The following ELP4 variants were observed in gnomAD, a reference collection of about 807,000 sequenced individuals.
The protein encoded by ELP4 is elongator acetyltransferase complex subunit 4.
Under a neutral mutation model 48.9 loss-of-function variants are expected in ELP4, and 51 were observed. That is an observed-to-expected ratio of 1.04 (90% CI 0.83 to 1.32). The LOEUF (loss-of-function observed/expected upper bound fraction) is 1.32, where lower values mean the gene tolerates loss of function less well. ELP4 is among the 40% of genes most tolerant of loss of function. The probability of loss-of-function intolerance (pLI) is 0.00; values close to 1 mark genes in which losing one functional copy is unlikely to be tolerated. For synonymous variants in ELP4, 210 were observed against 189.2 expected (o/e 1.11, Z -0.90); for missense variants, 519 against 514.6 (o/e 1.01, Z -0.08).
chr11:31,584,422 TG>T (rs367791448), intron 3 of ELP4, among the ~76,000 whole-genome samples: 131 of 152,212 alleles, frequency 8.6e-4, no homozygotes, highest in Non-Finnish European at 9.9e-4. Context: ...ATGATTTTAT[TG>T]TGATTTATTT....
intron 9 of ELP4, among the ~76,000 whole-genome samples, chr11:31,782,499 T>C (rs1948399970): frequency 6.6e-6 from 1 of 152,240 alleles, no homozygotes; most frequent in Admixed American, 6.5e-5. Flanking sequence ...GTTTGGATTT[T>C]TATGAAATAA....
chr11:31,622,378 CTTAA>C (rs1299462579), intron 5 of ELP4, among the ~76,000 whole-genome samples: 1 of 150,590 alleles, frequency 6.6e-6, no homozygotes, highest in Non-Finnish European at 1.5e-5. Context: ...TTTCTTTTTT[CTTAA>C]TTATTAAAAG....
intron 5 of ELP4, among the ~76,000 whole-genome samples, chr11:31,605,875 C>T (rs1957865625): frequency 6.6e-6 from 1 of 151,914 alleles, no homozygotes; most frequent in Admixed American, 6.6e-5. Flanking sequence ...AACTCTCCTA[C>T]TGTTGCAGGC....
At chr11:31,687,720 A>G (rs1202665730) in intron 9 of ELP4, 2 of 152,168 alleles carry the variant, frequency 1.3e-5, no homozygotes, top group Admixed American at 6.5e-5. Context: ...CAGAATAGAT[A>G]ATTTTTCAAT....
Position 31,510,011 on chromosome 11 carries a change from G to A in ELP4, c.223+4G>A. ...CCAGCCCTAGACCAGCTCTTAGGTCGGTTCAGAGCGGAGATCTGGGCTCAG... is the reference window on the plus strand; with the variant it reads ...CCAGCCCTAGACCAGCTCTTAGGTCAGTTCAGAGCGGAGATCTGGGCTCAG... On this transcript the variant is annotated splice_donor_region_variant and intron_variant, in intron 1 of 9. Coordinates refer to ENST00000640961, the MANE Select transcript of ELP4 (RefSeq NM_019040.5). 3 of 1,607,150 alleles carry A rather than the reference G, an allele frequency of 1.9e-6. No individual in the cohort carries two copies. Among genetic ancestry groups the A allele is most frequent in the Non-Finnish European group, 2.5e-6 (3 of 1,176,722 alleles).
intron 3 of ELP4, among the ~76,000 whole-genome samples, 192 bp downstream of exon 3, chr11:31,539,975 GT>G (rs1956566987): frequency 1.3e-5 from 2 of 152,072 alleles, no homozygotes; most frequent in African/African-American, 4.8e-5. Flanking sequence ...TTAAACTAAT[GT>G]TTTTGAACAA....
intron 9 of ELP4, among the ~76,000 whole-genome samples, chr11:31,687,286 T>G (rs1946180797): frequency 6.6e-6 from 1 of 152,170 alleles, no homozygotes; most frequent in Non-Finnish European, 1.5e-5. Flanking sequence ...ATATAGCTGG[T>G]AGTTGAAGAC....
At chr11:31,533,680 G>T (rs1368015600) in intron 2 of ELP4, among the ~76,000 whole-genome samples, 1 of 151,186 alleles carries the variant, frequency 6.6e-6, no homozygotes, top group African/African-American at 2.4e-5. Flanking sequence ...GAGCCACCGC[G>T]CCCGGCCTGA....
intron 8 of ELP4, chr11:31,649,206 C>G (rs555936227): frequency 6.6e-6 from 1 of 151,748 alleles, no homozygotes; most frequent in African/African-American, 2.4e-5. Context: ...AACACACATA[C>G]AAAACCTTGT....
chr11:31,583,501 C>G (rs562794328), intron 3 of ELP4, among the ~76,000 whole-genome samples: 7 of 152,214 alleles, frequency 4.6e-5, no homozygotes, highest in African/African-American at 1.7e-4. Flanking sequence ...ACTCAGGAGA[C>G]TGAGGCAAGA....
rs188931187 is a variant in ELP4 at position 31,524,306 on chromosome 11, A to T, written c.259+4215A>T. On this transcript the variant is annotated intron_variant, in intron 2 of 9. Transcript: ENST00000640961. ...GGCTGAGTTCTCATCTGAAGGCTTG[A>T]CAAGGGAACTATCTGCTTTCAAGCT... is the stretch of plus-strand genomic sequence containing the variant. Among the ~76,000 whole-genome samples the T allele has an allele frequency of 3.1e-3, 470 of 152,342 alleles. 4 individuals carry two copies. The highest frequency in any genetic ancestry group is 0.011 in the African/African-American group (452 of 41,582).
At chr11:31,645,490 T>C (rs1945180953) in intron 7 of ELP4, among the ~76,000 whole-genome samples, 1 of 151,828 alleles carries the variant, frequency 6.6e-6, no homozygotes, top group Non-Finnish European at 1.5e-5. Flanking sequence ...AATGGAAATT[T>C]ATCTCATCTT....
intron 5 of ELP4, among the ~76,000 whole-genome samples, chr11:31,607,244 G>T (rs1039261084): frequency 6.6e-5 from 10 of 152,150 alleles, no homozygotes; most frequent in African/African-American, 2.4e-4. Flanking sequence ...ATGGTATTTT[G>T]TTATGGCATC....
chr11:31,723,834 C>A (rs535469606), intron 9 of ELP4, among the ~76,000 whole-genome samples: 1 of 152,184 alleles, frequency 6.6e-6, no homozygotes, highest in African/African-American at 2.4e-5. Context: ...GTACAGTGTT[C>A]GAGGCTTTGT....
intron 9 of ELP4, among the ~76,000 whole-genome samples, chr11:31,777,344 C>G (rs993778117): frequency 6.6e-6 from 1 of 152,120 alleles, no homozygotes; most frequent in Non-Finnish European, 1.5e-5. Context: ...ATCCATAGAG[C>G]AGGGGAGACT....
intron 6 of ELP4, among the ~76,000 whole-genome samples, chr11:31,631,950 T>C (rs976804943): frequency 2.0e-5 from 3 of 152,076 alleles, no homozygotes; most frequent in Admixed American, 6.6e-5. Context: ...ATTCTTAGAG[T>C]TGTTGCTGTT....
intron 3 of ELP4, among the ~76,000 whole-genome samples, chr11:31,554,458 ATTATT>A (rs1956899019): frequency 6.6e-6 from 1 of 151,362 alleles, no homozygotes; most frequent in Non-Finnish European, 1.5e-5. Context: ...ATATATATGA[ATTATT>A]TTATATGTAT....
chr11:31,716,865 A>T (rs1432809187), intron 9 of ELP4, among the ~76,000 whole-genome samples: 2 of 152,252 alleles, frequency 1.3e-5, no homozygotes, highest in Non-Finnish European at 2.9e-5. Context: ...ATTGATGCCA[A>T]GTGCAGTAAG....
chr11:31,775,854 A>G (rs113832653), intron 9 of ELP4, among the ~76,000 whole-genome samples: 42,349 of 151,970 alleles, frequency 0.28, 6,869 homozygotes, highest in Non-Finnish European at 0.37. Flanking sequence ...AGTCCCAGCT[A>G]CTTGGGAGAC....
Sources: allele counts gnomAD v4.1 joint callset (sites outside exome capture counted in the v4.1 genomes callset), GRCh38; gene constraint gnomAD v4.1.1; transcripts MANE v1.5; gene names NCBI Gene and HGNC (gene_info 2026-07-23, HGNC 2026-07-21).